P3H2: variants seen among roughly 807,000 people sequenced by gnomAD.
P3H2 encodes prolyl 3-hydroxylase 2.
Under a neutral mutation model 87.0 loss-of-function variants are expected in P3H2, and 80 were observed. That is an observed-to-expected ratio of 0.92 (90% CI 0.77 to 1.11). The LOEUF (loss-of-function observed/expected upper bound fraction) is 1.11, where lower values mean the gene tolerates loss of function less well. Ranked by LOEUF, P3H2 falls within the 50% of genes least tolerant of loss-of-function variation. The probability of loss-of-function intolerance (pLI) is 0.00; values close to 1 mark genes in which losing one functional copy is unlikely to be tolerated. For missense variants in P3H2, 1,001 were observed against 923.9 expected, an observed-to-expected ratio of 1.08 and a Z score of -1.08; for synonymous variants, 367 against 359.3, an observed-to-expected ratio of 1.02 and a Z score of -0.24.
At position 190,120,421 on chromosome 3, in the gene P3H2, C is replaced by T; in HGVS notation, c.311G>A (p.Gly104Asp). 5.4e-6 allele frequency: 8 copies of T among 1,474,696 alleles called. No individual in the cohort carries two copies. The highest frequency in any genetic ancestry group is 7.1e-6 in the Non-Finnish European group (8 of 1,120,614). 91.4% of individuals were successfully genotyped at this position (1,474,696 alleles called of 1,614,324 possible). ...LPPPPPGEGPGAELPLFRSLL... is the reference protein window; with the variant it reads ...LPPPPPGEGPDAELPLFRSLL... ...GGAGCGGAAAAGGGGCAGCTCAGCG[C>T]CGGGGCCCTCGCCGGGGGGCGGGGG... is the stretch of plus-strand genomic sequence containing the variant. Residue 104 changes from glycine (G) to aspartate (D), a missense_variant, in exon 1 of 15, where the codon GGC becomes GAC. Gly to Asp is a moderately conservative substitution (Grantham distance 94). Coordinates refer to ENST00000319332, the MANE Select transcript of P3H2 (RefSeq NM_018192.4).
Position 190,120,495 on chromosome 3 carries a change from T to C in P3H2, c.237A>G (p.Glu79=). Residue 79 remains glutamate (E), a synonymous_variant, in exon 1 of 15, where the codon GAA becomes GAG. Coordinates refer to ENST00000319332, the MANE Select transcript of P3H2 (RefSeq NM_018192.4). ...AALRSHRRLR[E]IRTRCARHCA... is the part of the protein sequence containing the mutation. ...AGTGGCGGGCACAGCGCGTGCGGATTTCCCGCAGGCGCCGGTGGCTGCGCA... is the reference window on the plus strand; with the variant it reads ...AGTGGCGGGCACAGCGCGTGCGGATCTCCCGCAGGCGCCGGTGGCTGCGCA... 2 of 1,458,460 alleles carry C rather than the reference T, an allele frequency of 1.4e-6. No individual in the cohort carries two copies. Among genetic ancestry groups the C allele is most frequent in the East Asian group, 5.9e-5 (2 of 33,728 alleles). 90.3% of individuals were successfully genotyped at this position (1,458,460 alleles called of 1,614,324 possible). A position where few individuals can be genotyped will look rare whatever the true frequency, so the allele number is the denominator to read the frequency against.
intron 1 of P3H2, among the ~76,000 whole-genome samples, chr3:190,035,423 T>C (rs993252524): frequency 1.3e-5 from 2 of 152,224 alleles, no homozygotes; most frequent in Admixed American, 6.5e-5. Context: ...TAAAATGTTA[T>C]GTGAATATAA....
chr3:190,007,606 C>A (rs1476543096), intron 1 of P3H2, among the ~76,000 whole-genome samples: 1 of 151,566 alleles, frequency 6.6e-6, no homozygotes, highest in Non-Finnish European at 1.5e-5. Context: ...AATGAAGGAG[C>A]AATCTATTAT....
At chr3:190,003,516 C>T (rs1560357635) in intron 1 of P3H2, among the ~76,000 whole-genome samples, 1 of 150,752 alleles carries the variant, frequency 6.6e-6, no homozygotes, top group African/African-American at 2.4e-5. Flanking sequence ...AAAAAACTAT[C>T]TAAGTATTAG....
At chr3:190,065,943 T>G (rs1333045190) in intron 1 of P3H2, among the ~76,000 whole-genome samples, 1 of 152,096 alleles carries the variant, frequency 6.6e-6, no homozygotes, top group African/African-American at 2.4e-5. Context: ...TAAATTTCCA[T>G]CTTGATTTCA....
At chr3:190,018,377 G>A (rs1014095986) in intron 1 of P3H2, among the ~76,000 whole-genome samples, 3 of 152,124 alleles carry the variant, frequency 2.0e-5, no homozygotes, top group Admixed American at 6.6e-5. Flanking sequence ...TAAATCAGGT[G>A]TTAATAGTCC....
At chr3:189,958,368 C>T (rs16864904) in intron 14 of P3H2, among the ~76,000 whole-genome samples, 8,155 of 152,236 alleles carry the variant, frequency 0.054, 312 homozygotes, top group South Asian at 0.11. Context: ...CGGTAAAGAC[C>T]AACATCGCTC....
chr3:189,969,336 A>G, intron 13 of P3H2: 2 of 862,550 alleles, frequency 2.3e-6, no homozygotes, highest in East Asian at 4.8e-5. Flanking sequence ...CTCAAGAGAT[A>G]AAACGAGGTC....
In P3H2 at chr3:189,983,040, A is replaced by G. The variant is rs1345981905; in HGVS notation, c.1324+6T>C. On this transcript the variant is annotated splice_donor_region_variant and intron_variant, in intron 8 of 14. Coordinates refer to ENST00000319332, the MANE Select transcript of P3H2 (RefSeq NM_018192.4). The stretch of plus-strand genomic sequence containing the variant: ...CTTTATAGGGTAAAAGTGCACAGCT[A>G]CTTACCTTCTCTTAGGTCTCGATCT... 2 of 1,607,294 alleles carry G rather than the reference A, an allele frequency of 1.2e-6. No individual in the cohort carries two copies. The highest frequency in any genetic ancestry group is 2.2e-5 in the South Asian group (2 of 90,914).
chr3:190,114,754 A>C (rs1267199266), intron 1 of P3H2, among the ~76,000 whole-genome samples: 3 of 152,222 alleles, frequency 2.0e-5, no homozygotes, highest in Non-Finnish European at 2.9e-5. Context: ...AGAGGGGGGA[A>C]AAGCTTCATC....
intron 1 of P3H2, among the ~76,000 whole-genome samples, chr3:190,019,290 T>A (rs1382828734): frequency 6.6e-6 from 1 of 152,202 alleles, no homozygotes; most frequent in Non-Finnish European, 1.5e-5. Flanking sequence ...CTGGAGTGAA[T>A]GCCACTTCTT....
At chr3:189,962,117 C>A (rs1722832800) in intron 14 of P3H2, among the ~76,000 whole-genome samples, 1 of 149,700 alleles carries the variant, frequency 6.7e-6, no homozygotes, top group African/African-American at 2.5e-5. Context: ...GGACTCTGTG[C>A]TCTGGTCCTT....
At chr3:189,980,546 G>A (rs915965420) in intron 8 of P3H2, among the ~76,000 whole-genome samples, 1 of 151,514 alleles carries the variant, frequency 6.6e-6, no homozygotes, top group African/African-American at 2.4e-5. Context: ...CTGGGGGACA[G>A]AGCGAGACTC....
chr3:189,958,699 CTTTTT>C (rs71175319), intron 14 of P3H2, among the ~76,000 whole-genome samples: 3 of 120,204 alleles, frequency 2.5e-5, no homozygotes, highest in Non-Finnish European at 3.3e-5. Context: ...ATTGCTCCCT[CTTTTT>C]TTTTTTTTTT....
chr3:190,090,983 A>G (rs1162885740), intron 1 of P3H2, among the ~76,000 whole-genome samples: 1 of 152,202 alleles, frequency 6.6e-6, no homozygotes, highest in African/African-American at 2.4e-5. Context: ...TCCGCCTGCC[A>G]TCTCTCAAAA....
At chr3:189,981,892 G>C (rs1469832975) in intron 8 of P3H2, among the ~76,000 whole-genome samples, 1 of 152,170 alleles carries the variant, frequency 6.6e-6, no homozygotes, top group Non-Finnish European at 1.5e-5. Flanking sequence ...TGAGGTCCAG[G>C]TCAGATTAGA....
chr3:189,987,264 C>G (rs559584037), intron 5 of P3H2, among the ~76,000 whole-genome samples: 199 of 152,084 alleles, frequency 1.3e-3, no homozygotes, highest in Non-Finnish European at 2.4e-3. Context: ...CACCTGAGGT[C>G]GGGAGTTCGA....
intron 3 of P3H2, among the ~76,000 whole-genome samples, chr3:189,991,185 G>C (rs1723867301): frequency 6.6e-6 from 1 of 152,154 alleles, no homozygotes; most frequent in African/African-American, 2.4e-5. Context: ...TTAGGCAACT[G>C]GATCTGGCAG....
intron 1 of P3H2, among the ~76,000 whole-genome samples, chr3:190,071,526 A>G (rs905088773): frequency 6.6e-6 from 1 of 152,220 alleles, no homozygotes. Context: ...AAGGCAATTA[A>G]TTGTATTCCA....
Sources: gnomAD v4.1 joint callset for allele counts (sites outside exome capture counted in the v4.1 genomes callset) on GRCh38, gnomAD v4.1.1 for gene constraint, MANE v1.5 for transcripts, NCBI Gene and HGNC (gene_info 2026-07-23, HGNC 2026-07-21) for gene names.